ANKS1B: variants seen among roughly 807,000 people sequenced by gnomAD.
ANKS1B encodes ankyrin repeat and sterile alpha motif domain containing 1B, also known as ankyrin repeat and sterile alpha motif domain-containing protein 1B.
Under a neutral mutation model 148.3 loss-of-function variants are expected in ANKS1B, and 36 were observed. That is an observed-to-expected ratio of 0.24 (90% CI 0.19 to 0.32). The LOEUF (loss-of-function observed/expected upper bound fraction) is 0.32. Ranked by LOEUF, ANKS1B falls within the 10% of genes least tolerant of loss-of-function variation. The pLI, the probability that ANKS1B is intolerant of heterozygous loss-of-function variation, is 1.00. For synonymous variants in ANKS1B, 542 were observed against 560.8 expected, an observed-to-expected ratio of 0.97 and a Z score of 0.47; for missense variants, 1,157 against 1,542.6, an observed-to-expected ratio of 0.75 and a Z score of 4.19.
At chr12:99,378,452 G>A (rs1319003919) in intron 12 of ANKS1B, among the ~76,000 whole-genome samples, 1 of 151,898 alleles carries the variant, frequency 6.6e-6, no homozygotes, top group African/African-American at 2.4e-5. Context: ...TCAAGAGATC[G>A]AGACCATCCT....
chr12:99,712,013 C>T (rs1195475623), intron 8 of ANKS1B, among the ~76,000 whole-genome samples: 1 of 152,122 alleles, frequency 6.6e-6, no homozygotes, highest in Non-Finnish European at 1.5e-5. Context: ...ACTATCCAGT[C>T]ATAAAAAATA....
chr12:99,593,454 C>T (rs376405993), intron 9 of ANKS1B, among the ~76,000 whole-genome samples: 1 of 152,038 alleles, frequency 6.6e-6, no homozygotes, highest in African/African-American at 2.4e-5. Context: ...AAACTTACTT[C>T]ATTAAGGAAA....
chr12:99,541,799 G>C (rs944044108), intron 9 of ANKS1B, among the ~76,000 whole-genome samples: 1 of 151,682 alleles, frequency 6.6e-6, no homozygotes, highest in African/African-American at 2.4e-5. Flanking sequence ...AGGTTGCAGT[G>C]AGCCGAGATC....
chr12:99,872,973 T>A (rs1463903420), intron 1 of ANKS1B, among the ~76,000 whole-genome samples: 4 of 152,302 alleles, frequency 2.6e-5, no homozygotes, highest in African/African-American at 4.8e-5. Context: ...AATCAGTGTG[T>A]CACAGTTCAA....
chr12:99,867,410 C>G (rs938842471), intron 1 of ANKS1B, among the ~76,000 whole-genome samples: 1 of 152,066 alleles, frequency 6.6e-6, no homozygotes, highest in African/African-American at 2.4e-5. Flanking sequence ...AAGACATACC[C>G]GAGACTGGGA....
intron 19 of ANKS1B, among the ~76,000 whole-genome samples, chr12:98,824,630 C>G (rs1594796560): frequency 6.6e-6 from 1 of 152,156 alleles, no homozygotes; most frequent in Admixed American, 6.5e-5. Flanking sequence ...CCAGGTCACA[C>G]AGCCAGAAAG....
At position 99,111,353 on chromosome 12, in the gene ANKS1B, G is replaced by T. The variant is rs530298913; in HGVS notation, c.2527-26330C>A. 3.3e-5 allele frequency among the ~76,000 whole-genome samples: 5 copies of T among 152,134 alleles called. No individual in the cohort carries two copies. The East Asian group carries it at 9.7e-4, about 29-fold the overall frequency. ...CTATTTGGCTTATATAATATTAAAA[G>T]GTATTTTTAAGAGTATAATTTCTAT... On this transcript the variant is annotated intron_variant, in intron 15 of 26. Coordinates refer to ENST00000683438, the MANE Select transcript of ANKS1B (RefSeq NM_001352186.2).
chr12:99,926,853 C>A (rs1165457249), intron 1 of ANKS1B, among the ~76,000 whole-genome samples: 1 of 152,096 alleles, frequency 6.6e-6, no homozygotes, highest in Non-Finnish European at 1.5e-5. Flanking sequence ...TGTTTACTAT[C>A]TTGTCTTCTC....
At position 99,423,192 on chromosome 12, in the gene ANKS1B, T is replaced by C. The variant is rs145636979; in HGVS notation, c.1575+20481A>G. On this transcript the variant is annotated intron_variant, in intron 11 of 26. Coordinates refer to ENST00000683438, the MANE Select transcript of ANKS1B (RefSeq NM_001352186.2). ...GTAGTGTTAAGGGCCCAGAAGAGAT[T>C]GAGAACTATGAATTTATAACATTAA... Among the ~76,000 whole-genome samples, 10 of 152,154 alleles carry C rather than the reference T, an allele frequency of 6.6e-5. No individual in the cohort carries two copies. In the East Asian group the frequency reaches 1.9e-3, roughly 29 times the overall value.
chr12:99,174,652 T>TA (rs1302250027), intron 14 of ANKS1B, among the ~76,000 whole-genome samples: 1 of 152,152 alleles, frequency 6.6e-6, no homozygotes, highest in Non-Finnish European at 1.5e-5. Flanking sequence ...GAAGCCAACA[T>TA]AGAGCATAAT....
downstream of ANKS1B, among the ~76,000 whole-genome samples, chr12:98,742,975 T>C (rs1234476064): frequency 6.6e-6 from 1 of 152,238 alleles, no homozygotes; most frequent in Non-Finnish European, 1.5e-5. Flanking sequence ...TCGACTAGCC[T>C]ATCTAAAAAG....
intron 14 of ANKS1B, among the ~76,000 whole-genome samples, chr12:99,166,992 GA>G (rs2077243491): frequency 6.6e-6 from 1 of 151,994 alleles, no homozygotes; most frequent in South Asian, 2.1e-4. Flanking sequence ...TGACAAAGGT[GA>G]AAAATCAGTT....
At chr12:98,965,618 G>A (rs2153172392) in intron 17 of ANKS1B, among the ~76,000 whole-genome samples, 1 of 152,258 alleles carries the variant, frequency 6.6e-6, no homozygotes, top group Middle Eastern at 3.4e-3. Flanking sequence ...GAACAAAGCT[G>A]GAGGCATCAC....
Position 99,158,386 on chromosome 12 carries a change from G to A in ANKS1B, c.2420-3991C>T, listed in dbSNP as rs115145072. 9.8e-3 allele frequency among the ~76,000 whole-genome samples: 1,492 copies of A among 152,188 alleles called. 27 individuals are homozygous for A. The highest frequency in any genetic ancestry group is 0.035 in the African/African-American group (1,444 of 41,514). On this transcript the variant is annotated intron_variant, in intron 14 of 26. Coordinates refer to ENST00000683438, the MANE Select transcript of ANKS1B (RefSeq NM_001352186.2). ...TGGGCTACCATGTCCTAGGCAGTGT[G>A]GTGTGAATTATTATCCTGATTTACC...
At chr12:99,666,548 A>G (rs1193357063) in intron 8 of ANKS1B, among the ~76,000 whole-genome samples, 2 of 151,922 alleles carry the variant, frequency 1.3e-5, no homozygotes, top group Admixed American at 6.6e-5. Context: ...GGGGTGGTAT[A>G]TCTTTGCACG....
chr12:99,243,504 T>C (rs2089730028), intron 14 of ANKS1B, among the ~76,000 whole-genome samples: 1 of 152,234 alleles, frequency 6.6e-6, no homozygotes, highest in African/African-American at 2.4e-5. Flanking sequence ...AAATACCATT[T>C]GACCCAGCCA....
At chr12:98,895,003 G>GGCC in intron 17 of ANKS1B, 2 of 819,674 alleles carry the variant, frequency 2.4e-6, no homozygotes, top group Non-Finnish European at 2.9e-6. Flanking sequence ...CGGCGGCGGC[G>GGCC]GCGGCGCGTC....
intron 17 of ANKS1B, among the ~76,000 whole-genome samples, chr12:98,857,976 TCTTA>T (rs1348698108): frequency 1.3e-5 from 2 of 152,194 alleles, no homozygotes; most frequent in Non-Finnish European, 2.9e-5. Flanking sequence ...TGTTTTTCTT[TCTTA>T]ATGTTAAAAT....
intron 11 of ANKS1B, among the ~76,000 whole-genome samples, chr12:99,403,541 T>A (rs1231207274): frequency 6.9e-6 from 1 of 145,048 alleles, no homozygotes; most frequent in Non-Finnish European, 1.5e-5. Flanking sequence ...TATTAGCCTT[T>A]GTCAGGTGAA....
Sources: allele counts gnomAD v4.1 joint callset (sites outside exome capture counted in the v4.1 genomes callset), GRCh38; gene constraint gnomAD v4.1.1; transcripts MANE v1.5; gene names NCBI Gene and HGNC (gene_info 2026-07-23, HGNC 2026-07-21).